PRKCE: variants seen among roughly 807,000 people sequenced by gnomAD.
PRKCE encodes protein kinase C epsilon type.
Under a neutral mutation model 85.4 loss-of-function variants are expected in PRKCE, and 16 were observed. The ratio of observed to expected loss-of-function variants is 0.19; its 90% CI spans 0.13 to 0.28. The LOEUF is 0.28. PRKCE is among the 10% of genes least tolerant of loss of function. The pLI, the probability that PRKCE is intolerant of heterozygous loss-of-function variation, is 1.00. For synonymous variants in PRKCE, 388 were observed against 371.5 expected, an observed-to-expected ratio of 1.04 and a Z score of -0.51; for missense variants, 573 against 975.2, an observed-to-expected ratio of 0.59 and a Z score of 5.49.
At chr2:46,040,669 T>C (rs749382543) in intron 10 of PRKCE, among the ~76,000 whole-genome samples, 3 of 152,176 alleles carry the variant, frequency 2.0e-5, no homozygotes, top group Non-Finnish European at 4.4e-5. Flanking sequence ...TGCCTTTAAG[T>C]CTTCTGAGCT....
At chr2:45,660,007 A>G (rs1675564480) in intron 1 of PRKCE, among the ~76,000 whole-genome samples, 1 of 152,184 alleles carries the variant, frequency 6.6e-6, no homozygotes, top group South Asian at 2.1e-4. Flanking sequence ...CACTTTGTTG[A>G]ATGAATGAAT....
At chr2:46,006,374 T>C (rs1206822424) in intron 8 of PRKCE, among the ~76,000 whole-genome samples, 3 of 152,016 alleles carry the variant, frequency 2.0e-5, no homozygotes. Context: ...GCAAGGGGAG[T>C]GTCTGCAGAC....
In PRKCE at chr2:46,187,416, G is replaced by C. The variant is rs767375002; in HGVS notation, c.*2535G>C. On this transcript the variant is annotated 3_prime_UTR_variant, in exon 15 of 15. Transcript: ENST00000306156. ...ATAGGCTGATTTAAATCCAGCAAAG[G>C]TCTATAGAAAAAGGCTTGCGTGTTC... The C allele has an allele frequency of 1.3e-5, 2 of 152,526 alleles. No individual in the cohort carries two copies. The highest frequency in any genetic ancestry group is 2.4e-5 in the African/African-American group (1 of 41,442). 9.4% of individuals were successfully genotyped at this position (152,526 alleles called of 1,614,324 possible).
At chr2:46,097,519 C>CAAAAA (rs66634467) in intron 11 of PRKCE, among the ~76,000 whole-genome samples, 6 of 94,118 alleles carry the variant, frequency 6.4e-5, no homozygotes, top group African/African-American at 1.8e-4. Context: ...GACTCCGTCT[C>CAAAAA]AAAAAAAAAA....
At chr2:45,659,400 C>G (rs1009750361) in intron 1 of PRKCE, among the ~76,000 whole-genome samples, 3 of 152,198 alleles carry the variant, frequency 2.0e-5, no homozygotes, top group Non-Finnish European at 4.4e-5. Context: ...CCTTTGCTGA[C>G]CTCACTTGGG....
At chr2:45,946,560 T>C (rs1417185147) in intron 2 of PRKCE, among the ~76,000 whole-genome samples, 1 of 152,090 alleles carries the variant, frequency 6.6e-6, no homozygotes, top group African/African-American at 2.4e-5. Context: ...ATGGTGAGAA[T>C]CCCCCTGCCA....
chr2:45,793,763 A>G (rs1168711185), intron 1 of PRKCE, among the ~76,000 whole-genome samples: 1 of 152,086 alleles, frequency 6.6e-6, no homozygotes. Flanking sequence ...TTCCCCCTAG[A>G]TATGTTTGGA....
chr2:45,793,009 G>C (rs989867804), intron 1 of PRKCE, among the ~76,000 whole-genome samples: 2 of 152,214 alleles, frequency 1.3e-5, no homozygotes, highest in Non-Finnish European at 2.9e-5. Context: ...ATGTTGGCCA[G>C]GATGGTCTCA....
chr2:46,000,850 C>G (rs577437650), intron 6 of PRKCE: 1 of 152,228 alleles, frequency 6.6e-6, no homozygotes, highest in Non-Finnish European at 1.5e-5. Context: ...CTGTCTAATT[C>G]TGGGAGCAGC....
rs540197791 is a variant in PRKCE, at chr2:45,652,892, G to C, written c.348+444G>C. Among the ~76,000 whole-genome samples, 1 of 152,272 alleles carries C rather than the reference G, an allele frequency of 6.6e-6. No individual in the cohort carries two copies. Among genetic ancestry groups the C allele is most frequent in the South Asian group, 2.1e-4 (1 of 4,818 alleles). On this transcript the variant is annotated intron_variant, in intron 1 of 14. Transcript: ENST00000306156. The surrounding 1 kb of genome is among the most constrained non-coding windows in gnomAD (Gnocchi z 7.7). ...CGTCCTGGCTTTGTCCTGCTTAGCC[G>C]AGCGAGGAGTTGCTTTATTTTTCCC...
At chr2:45,950,710 A>C (rs1489942115) in intron 2 of PRKCE, among the ~76,000 whole-genome samples, 1 of 152,110 alleles carries the variant, frequency 6.6e-6, no homozygotes, top group Non-Finnish European at 1.5e-5. Flanking sequence ...CGAGAGATGG[A>C]TATCAAGGGG....
chr2:45,980,150 A>C, intron 4 of PRKCE, 146 bp from the exon 5 acceptor site: 1 of 639,778 alleles, frequency 1.6e-6, no homozygotes, highest in Admixed American at 2.9e-5. Context: ...AGCTGTATAA[A>C]AGACTTTAGG....
chr2:45,896,840 T>C (rs1173730395), intron 2 of PRKCE, among the ~76,000 whole-genome samples: 4 of 152,190 alleles, frequency 2.6e-5, no homozygotes, highest in South Asian at 4.2e-4. Flanking sequence ...TCTCAATGCT[T>C]TGGGAGGCTG....
At position 45,980,303 on chromosome 2, in the gene PRKCE, C is replaced by T; in HGVS notation, c.615C>T (p.Thr205=). The change falls in exon 5 of 15, where the codon ACC becomes ACT. Residue 205 remains threonine, a synonymous_variant. Transcript: ENST00000306156. ...TGTCTTTGCTATTTGCAGTCTGCAC[C>T]TGCGTGGTCCACAAGCGGTGCCACG... ...GKQGYQCQVC[T]CVVHKRCHEL... 1 of 1,599,668 alleles carries T rather than the reference C, an allele frequency of 6.3e-7. No homozygotes were observed. Among genetic ancestry groups the T allele is most frequent in the Non-Finnish European group, 8.5e-7 (1 of 1,179,928 alleles).
At chr2:46,084,482 G>C (rs1179712661) in intron 10 of PRKCE, among the ~76,000 whole-genome samples, 1 of 152,082 alleles carries the variant, frequency 6.6e-6, no homozygotes, top group Non-Finnish European at 1.5e-5. Context: ...CCAGCACTTT[G>C]GGAGGCCAAG....
intron 2 of PRKCE, among the ~76,000 whole-genome samples, chr2:45,958,209 A>G (rs1413453832): frequency 2.5e-4 from 38 of 150,188 alleles, no homozygotes; most frequent in African/African-American, 7.1e-4. Flanking sequence ...AAAAAAAAAA[A>G]AAAAGAAAAA....
intron 1 of PRKCE, among the ~76,000 whole-genome samples, chr2:45,690,779 A>G (rs1172319881): frequency 1.3e-5 from 2 of 152,196 alleles, no homozygotes; most frequent in African/African-American, 4.8e-5. Flanking sequence ...GAAGAGACCA[A>G]TGTACTTTTT....
At chr2:45,729,233 G>T (rs774003007) in intron 1 of PRKCE, among the ~76,000 whole-genome samples, 1 of 152,202 alleles carries the variant, frequency 6.6e-6, no homozygotes, top group Admixed American at 6.5e-5. Context: ...CACATAGGGC[G>T]GTGGAGGACA....
chr2:45,851,743 G>C (rs1208138848), intron 2 of PRKCE: 2 of 152,218 alleles, frequency 1.3e-5, no homozygotes, highest in Non-Finnish European at 2.9e-5. Flanking sequence ...CTGCCAGAGA[G>C]GAGTGACTCA....
Sources: allele counts gnomAD v4.1 joint callset (sites outside exome capture counted in the v4.1 genomes callset), GRCh38; gene constraint gnomAD v4.1.1; non-coding constraint Gnocchi (gnomAD v3.1); transcripts MANE v1.5; gene names NCBI Gene and HGNC (gene_info 2026-07-23, HGNC 2026-07-21).